TRIM37: variants seen among roughly 807,000 people sequenced by gnomAD.
TRIM37 encodes E3 ubiquitin-protein ligase TRIM37.
Under a neutral mutation model 129.8 loss-of-function variants are expected in TRIM37, and 80 were observed. The observed-to-expected ratio is 0.62, with a 90% confidence interval of 0.51 to 0.74. The LOEUF (loss-of-function observed/expected upper bound fraction) is 0.74, where lower values mean the gene tolerates loss of function less well. Among genes scored for constraint, TRIM37 ranks in the 30% least tolerant of loss-of-function variants. The pLI is 0.00. For missense variants in TRIM37, 1,054 were observed against 1,176.5 expected (o/e 0.90, Z 1.52); for synonymous variants, 389 against 387.1 (o/e 1.00, Z -0.06).
At chr17:59,027,883 C>T (rs1361897148) in intron 19 of TRIM37, among the ~76,000 whole-genome samples, 1 of 152,126 alleles carries the variant, frequency 6.6e-6, no homozygotes, top group Admixed American at 6.5e-5. Flanking sequence ...CCTTCAAATA[C>T]GCAAAATAAA....
At chr17:58,976,194 C>G in the TRIM37 span, among the ~76,000 whole-genome samples, 1 of 151,992 alleles carries the variant, frequency 6.6e-6, no homozygotes, top group South Asian at 2.1e-4. Flanking sequence ...AGTAGAGAAG[C>G]CAGAGCAGCA....
chr17:59,027,963 A>G (rs1470810336), intron 19 of TRIM37, among the ~76,000 whole-genome samples: 1 of 152,192 alleles, frequency 6.6e-6, no homozygotes, highest in African/African-American at 2.4e-5. Context: ...ATCTATAAAT[A>G]GCTGCCACCT....
chr17:59,036,787 C>T (rs33922512), intron 17 of TRIM37, among the ~76,000 whole-genome samples: 1 of 151,896 alleles, frequency 6.6e-6, no homozygotes, highest in African/African-American at 2.4e-5. Context: ...TTCTTTAGAT[C>T]ACATAACTCT....
the TRIM37 span, chr17:58,972,704 C>T: frequency 1.2e-6 from 1 of 827,230 alleles, no homozygotes; most frequent in South Asian, 1.6e-5. Flanking sequence ...CTGTGCCCAC[C>T]CTCCAATGGA....
the TRIM37 span, among the ~76,000 whole-genome samples, chr17:58,973,830 T>TA: frequency 6.6e-6 from 1 of 151,756 alleles, no homozygotes; most frequent in African/African-American, 2.4e-5. Flanking sequence ...CACACGTCTG[T>TA]AGTCCCAGCT....
intron 9 of TRIM37, among the ~76,000 whole-genome samples, chr17:59,068,190 T>G (rs999948203): frequency 4.6e-5 from 7 of 152,192 alleles, no homozygotes; most frequent in African/African-American, 9.7e-5. Context: ...AAGTGATTAA[T>G]TAACAGACTA....
intron 2 of TRIM37, among the ~76,000 whole-genome samples, chr17:59,092,835 A>C (rs909184876): frequency 6.6e-6 from 1 of 152,236 alleles, no homozygotes; most frequent in Non-Finnish European, 1.5e-5. Flanking sequence ...AATGATAGCA[A>C]GCAAGGTACT....
At chr17:59,060,919 C>T in intron 12 of TRIM37, 113 bp downstream of exon 12, 6 of 746,312 alleles carry the variant, frequency 8.0e-6, no homozygotes, top group South Asian at 3.2e-5. Context: ...TATTATTCTA[C>T]ATCTTAACAG....
the TRIM37 span, chr17:58,969,698 G>A: frequency 2.5e-6 from 4 of 1,614,172 alleles, no homozygotes; most frequent in South Asian, 3.3e-5. Flanking sequence ...GGTCACTGAT[G>A]AGCGGTTTGT....
intron 24 of TRIM37, chr17:58,984,636 C>T (rs1190212304): frequency 6.6e-6 from 1 of 152,596 alleles, no homozygotes; most frequent in African/African-American, 2.4e-5. Flanking sequence ...AATGCCCACT[C>T]TTCTATTCTG....
intron 2 of TRIM37, among the ~76,000 whole-genome samples, chr17:59,096,688 C>T (rs2044921499): frequency 6.6e-6 from 1 of 151,790 alleles, no homozygotes; most frequent in Admixed American, 6.6e-5. Flanking sequence ...ATGCCTAATC[C>T]TGCATTTGAA....
At chr17:59,018,551 A>C (rs2036213745) in intron 19 of TRIM37, among the ~76,000 whole-genome samples, 1 of 152,216 alleles carries the variant, frequency 6.6e-6, no homozygotes, top group African/African-American at 2.4e-5. Context: ...TAACAAAAGA[A>C]ATGTGAGACT....
intron 17 of TRIM37, 82 bp downstream of exon 17, chr17:59,041,731 C>T: frequency 9.6e-7 from 1 of 1,042,316 alleles, no homozygotes. Flanking sequence ...GCAGTGGCTA[C>T]CACCTATTTA....
chr17:58,992,777 C>T (rs144039800), intron 24 of TRIM37, among the ~76,000 whole-genome samples: 1 of 152,290 alleles, frequency 6.6e-6, no homozygotes, highest in South Asian at 2.1e-4. Flanking sequence ...CTCCAACTGT[C>T]TAATGACACC....
intron 2 of TRIM37, among the ~76,000 whole-genome samples, chr17:59,091,872 G>A (rs1448195872): frequency 6.6e-6 from 1 of 151,002 alleles, no homozygotes; most frequent in African/African-American, 2.4e-5. Flanking sequence ...CACAGGGAAC[G>A]TCTATATAAT....
intron 21 of TRIM37, among the ~76,000 whole-genome samples, chr17:59,014,128 G>C (rs1389532167): frequency 6.6e-6 from 1 of 152,196 alleles, no homozygotes; most frequent in Non-Finnish European, 1.5e-5. Flanking sequence ...GTAGTACGTA[G>C]GGAAGACAAG....
rs112475117 is a variant in TRIM37 at position 59,054,311 on chromosome 17, G to A, written c.1199+2564C>T. 9.8e-3 allele frequency among the ~76,000 whole-genome samples: 1,483 copies of A among 151,792 alleles called. 29 individuals are homozygous for A. Among genetic ancestry groups the A allele is most frequent in the African/African-American group, 0.033 (1,371 of 41,394 alleles). ...AAAAACCTTTTTTTGTTTGTTTTTT[G>A]TTTTTTTAAGATGGAGTTTCACTCT... is the stretch of plus-strand genomic sequence containing the variant. On this transcript the variant is annotated intron_variant, in intron 13 of 23. Coordinates refer to ENST00000262294, the MANE Select transcript of TRIM37 (RefSeq NM_015294.6).
intron 8 of TRIM37, among the ~76,000 whole-genome samples, chr17:59,072,839 T>C (rs1048026376): frequency 2.6e-5 from 4 of 152,128 alleles, no homozygotes; most frequent in Admixed American, 6.6e-5. Context: ...TTTGAGCTAC[T>C]GCATCAACCA....
At chr17:59,054,640 G>A (rs948807078) in intron 13 of TRIM37, among the ~76,000 whole-genome samples, 6 of 150,554 alleles carry the variant, frequency 4.0e-5, no homozygotes, top group East Asian at 4.0e-4. Flanking sequence ...ACTACCCCAC[G>A]TTAAACAGGG....
Sources: gnomAD v4.1 joint callset for allele counts (sites outside exome capture counted in the v4.1 genomes callset) on GRCh38, gnomAD v4.1.1 for gene constraint, MANE v1.5 for transcripts, NCBI Gene and HGNC (gene_info 2026-07-23, HGNC 2026-07-21) for gene names.